Variants in EYS observed in about 807,000 individuals in gnomAD.
EYS encodes the protein EGF-like photoreceptor maintenance factor.
A neutral mutation model predicts 282.1 loss-of-function variants in EYS; 250 were observed. The ratio of observed to expected loss-of-function variants is 0.89; its 90% confidence interval spans 0.80 to 0.98. The LOEUF (loss-of-function observed/expected upper bound fraction) is 0.98, where lower values mean the gene tolerates loss of function less well. Ranked by LOEUF, EYS falls within the 50% of genes least tolerant of loss-of-function variation. EYS has a pLI of 0.00. For synonymous variants in EYS, 1,355 were observed against 1,282.9 expected (o/e 1.06, Z -1.20); for missense variants, 4,016 against 3,709.0 (o/e 1.08, Z -2.15).
At chr6:64,715,619 C>G (rs9354062) in intron 22 of EYS, among the ~76,000 whole-genome samples, 28,553 of 152,070 alleles carry the variant, frequency 0.19, 3,287 homozygotes, top group East Asian at 0.35. Context: ...AAGTAATGCT[C>G]AGATGCTTGA....
chr6:64,989,394 A>AATAT lies in EYS; in HGVS notation c.2259+8184_2259+8187dup, dbSNP rs60684321. ...AAGAGGCTATTTACTGGCTAGCTGT[A>AATAT]ATATATATATATATATATATATGAA... On this transcript the variant is annotated intron_variant, in intron 14 of 42. Transcript: ENST00000503581. 7.2e-4 allele frequency among the ~76,000 whole-genome samples: 50 copies of AATAT among 69,724 alleles called. 11 individuals are homozygous for AATAT. In the East Asian group the frequency reaches 7.9e-3, roughly 11 times the overall value. 45.7% of individuals were successfully genotyped at this position (69,724 alleles called of 152,430 possible). A position where few individuals can be genotyped will look rare whatever the true frequency, so the allele number is the denominator to read the frequency against.
intron 36 of EYS, among the ~76,000 whole-genome samples, chr6:63,852,943 C>A (rs1772298049): frequency 6.6e-6 from 1 of 152,168 alleles, no homozygotes; most frequent in South Asian, 2.1e-4. Context: ...CCCCTTCATG[C>A]TAAAAACACT....
intron 26 of EYS, among the ~76,000 whole-genome samples, chr6:64,454,428 A>G (rs1209289239): frequency 6.6e-6 from 1 of 152,184 alleles, no homozygotes; most frequent in Non-Finnish European, 1.5e-5. Context: ...TAAGTTGCAT[A>G]AAAAGTCATT....
chr6:64,232,558 T>C (rs1243619417), intron 30 of EYS, among the ~76,000 whole-genome samples: 1 of 151,968 alleles, frequency 6.6e-6, no homozygotes, highest in Admixed American at 6.6e-5. Flanking sequence ...CCTGGTTAAT[T>C]TTTTGTATTT....
intron 31 of EYS, among the ~76,000 whole-genome samples, chr6:64,196,543 A>C (rs568366579): frequency 8.5e-5 from 13 of 152,288 alleles, no homozygotes; most frequent in African/African-American, 3.1e-4. Flanking sequence ...GCACATATAC[A>C]CCACGGAATA....
chr6:64,403,560 T>C (rs1773608847), intron 28 of EYS, among the ~76,000 whole-genome samples: 2 of 152,110 alleles, frequency 1.3e-5, no homozygotes. Context: ...GGTTTCACCA[T>C]ATTGGCCAGG....
intron 12 of EYS, among the ~76,000 whole-genome samples, chr6:65,096,005 G>A (rs866519435): frequency 2.0e-5 from 3 of 150,892 alleles, no homozygotes; most frequent in Non-Finnish European, 4.5e-5. Context: ...AGAATTAAAC[G>A]TTTATCTGTT....
chr6:65,147,082 T>G (rs1289385675), intron 12 of EYS, among the ~76,000 whole-genome samples: 3 of 152,036 alleles, frequency 2.0e-5, no homozygotes, highest in Admixed American at 2.0e-4. Context: ...TGTTTTTTGG[T>G]TTTTAAACTG....
chr6:63,865,124 T>TA (rs1320032905), intron 35 of EYS, among the ~76,000 whole-genome samples: 4 of 152,290 alleles, frequency 2.6e-5, no homozygotes, highest in African/African-American at 9.6e-5. Flanking sequence ...AATCATAGTG[T>TA]ATAGTGCAGG....
intron 19 of EYS, among the ~76,000 whole-genome samples, chr6:64,878,600 T>TTC (rs144444117): frequency 1.5e-4 from 22 of 150,126 alleles, no homozygotes; most frequent in African/African-American, 4.9e-4. Flanking sequence ...TTCATTCTCA[T>TTC]TCTCTCTCTC....
At chr6:64,260,610 T>G (rs1191944958) in intron 30 of EYS, among the ~76,000 whole-genome samples, 1 of 152,084 alleles carries the variant, frequency 6.6e-6, no homozygotes, top group African/African-American at 2.4e-5. Context: ...GCCCTCTCTA[T>G]TAAGATTTTT....
chr6:63,891,376 AG>A (rs1415206975), intron 35 of EYS, among the ~76,000 whole-genome samples: 1 of 152,222 alleles, frequency 6.6e-6, no homozygotes, highest in Non-Finnish European at 1.5e-5. Context: ...CACATTAAAA[AG>A]CTTATCCACG....
At chr6:64,236,851 G>C (rs1442206535) in intron 30 of EYS, among the ~76,000 whole-genome samples, 3 of 151,180 alleles carry the variant, frequency 2.0e-5, no homozygotes, top group African/African-American at 7.3e-5. Flanking sequence ...TGCCGGGATA[G>C]ATACCTAATG....
At chr6:65,501,503 TG>T (rs1373204925) in intron 2 of EYS, among the ~76,000 whole-genome samples, 2 of 151,834 alleles carry the variant, frequency 1.3e-5, no homozygotes, top group Admixed American at 1.3e-4. Context: ...ATTATACAGT[TG>T]GTCTATAGTA....
At chr6:65,474,595 C>T (rs1049488415) in intron 5 of EYS, among the ~76,000 whole-genome samples, 1 of 152,050 alleles carries the variant, frequency 6.6e-6, no homozygotes, top group African/African-American at 2.4e-5. Flanking sequence ...GTAAATCTTC[C>T]AACAGATAGC....
At chr6:65,267,852 A>C (rs574033501) in intron 12 of EYS, among the ~76,000 whole-genome samples, 6 of 152,138 alleles carry the variant, frequency 3.9e-5, no homozygotes, top group Admixed American at 3.3e-4. Context: ...CAATTTCTTC[A>C]AAAAACCAAG....
intron 33 of EYS, among the ~76,000 whole-genome samples, chr6:64,009,307 G>GTTTGTTT (rs1768494860): frequency 6.8e-6 from 1 of 147,696 alleles, no homozygotes. Context: ...TTTTGGAGAC[G>GTTTGTTT]GAGTCTCACT....
intron 19 of EYS, among the ~76,000 whole-genome samples, chr6:64,830,718 G>A (rs777806977): frequency 6.6e-6 from 1 of 151,934 alleles, no homozygotes. Context: ...ATAATTTTGG[G>A]TATCTGTTTC....
At chr6:65,332,162 G>T in intron 11 of EYS, 1 of 478,846 alleles carries the variant, frequency 2.1e-6, no homozygotes, top group Non-Finnish European at 3.7e-6. Context: ...GATTGTGGAA[G>T]TTCCCTTTTA....
Sources: gnomAD v4.1 joint callset for allele counts (sites outside exome capture counted in the v4.1 genomes callset) on GRCh38, gnomAD v4.1.1 for gene constraint, MANE v1.5 for transcripts, NCBI Gene and HGNC (gene_info 2026-07-23, HGNC 2026-07-21) for gene names.